The following SNX29 variants were observed in gnomAD, a reference collection of about 807,000 sequenced individuals.
The protein encoded by SNX29 is sorting nexin 29, also known as sorting nexin-29.
In SNX29, 78 loss-of-function variants were observed where a neutral mutation model predicts 102.1. That is an observed-to-expected ratio of 0.76 (90% confidence interval 0.64 to 0.92). The LOEUF is 0.92. Among genes scored for constraint, SNX29 ranks in the 40% least tolerant of loss-of-function variants. SNX29 has a pLI of 0.00. For missense variants in SNX29, 1,280 were observed against 1,061.7 expected, an observed-to-expected ratio of 1.21 and a Z score of -2.86; for synonymous variants, 580 against 414.5, an observed-to-expected ratio of 1.40 and a Z score of -4.85.
chr16:12,419,983 G>GC (rs2084807272), intron 18 of SNX29, among the ~76,000 whole-genome samples: 1 of 152,240 alleles, frequency 6.6e-6, no homozygotes, highest in African/African-American at 2.4e-5. Context: ...CTCAGGCTCG[G>GC]CTTAGGGCCA....
intron 14 of SNX29, among the ~76,000 whole-genome samples, chr16:12,258,530 C>T (rs1411941701): frequency 1.3e-5 from 2 of 152,110 alleles, no homozygotes; most frequent in African/African-American, 4.8e-5. Flanking sequence ...GGAAATTCTC[C>T]TTACTTATCT....
rs374451250 is a variant in SNX29, at chr16:12,314,022, C to T, written c.1782+35986C>T. Among the ~76,000 whole-genome samples the T allele has an allele frequency of 1.2e-4, 18 of 152,380 alleles. 1 individual carries two copies. The South Asian group carries it at 1.9e-3, about 16-fold the overall frequency. ...ATTTATAGAGTCAAGGTCTCACTCT[C>T]TTGCTCAGCCTGGAGCATAGTCGTG... On this transcript the variant is annotated intron_variant, in intron 15 of 20. Transcript: ENST00000566228.
chr16:11,989,439 T>A (rs2055758210), intron 1 of SNX29, among the ~76,000 whole-genome samples: 1 of 152,202 alleles, frequency 6.6e-6, no homozygotes, highest in Non-Finnish European at 1.5e-5. Context: ...CTGGGCCAGC[T>A]GTGCCACTTC....
chr16:12,533,795 T>C (rs2076995566), intron 20 of SNX29, among the ~76,000 whole-genome samples: 1 of 152,170 alleles, frequency 6.6e-6, no homozygotes, highest in African/African-American at 2.4e-5. Context: ...GTGCAGCTCA[T>C]AGGCCCCATC....
At chr16:12,417,208 T>C (rs908631172) in intron 18 of SNX29, among the ~76,000 whole-genome samples, 1 of 152,248 alleles carries the variant, frequency 6.6e-6, no homozygotes, top group Non-Finnish European at 1.5e-5. Context: ...TCCCTCAGGC[T>C]AGTCTGCAGT....
At chr16:12,147,103 G>A (rs886341581) in intron 13 of SNX29, among the ~76,000 whole-genome samples, 4 of 152,220 alleles carry the variant, frequency 2.6e-5, no homozygotes, top group African/African-American at 4.8e-5. Context: ...AAGCAGCAAG[G>A]TATATTTGCA....
intron 4 of SNX29, among the ~76,000 whole-genome samples, chr16:12,032,288 A>G (rs751453976): frequency 6.8e-6 from 1 of 146,724 alleles, no homozygotes; most frequent in Non-Finnish European, 1.5e-5. Flanking sequence ...GCTCACCACA[A>G]CCTCCGCCTC....
intron 1 of SNX29, among the ~76,000 whole-genome samples, chr16:11,987,403 CTTTTT>C (rs34572926): frequency 9.3e-6 from 1 of 107,288 alleles, no homozygotes; most frequent in Non-Finnish European, 2.0e-5. Flanking sequence ...GACTTTTACT[CTTTTT>C]TTTTTTTTTT....
chr16:12,466,672 G>A (rs953010667), intron 18 of SNX29, among the ~76,000 whole-genome samples: 1 of 152,182 alleles, frequency 6.6e-6, no homozygotes, highest in Non-Finnish European at 1.5e-5. Context: ...CAACAGCCAT[G>A]AACCAAAGCA....
chr16:11,976,760 G>GGCA lies in SNX29; in HGVS notation c.-44_-42dup. ...TCTGGAGCTCGGCAGCCGCAGAAGC[G>GGCA]GCAGCGGCGGCGGCGCGGCGCAGGC... On this transcript the variant is annotated 5_prime_UTR_variant, in exon 1 of 21. Transcript: ENST00000566228. The GGCA allele has an allele frequency of 7.8e-7, 1 of 1,284,164 alleles. No individual in the cohort carries two copies. The highest frequency in any genetic ancestry group is 9.9e-7 in the Non-Finnish European group (1 of 1,005,736). The allele number at this position is 1,284,164 out of a possible 1,614,324, so 79.5% of individuals were successfully genotyped here.
intron 14 of SNX29, among the ~76,000 whole-genome samples, chr16:12,207,400 G>A (rs141896387): frequency 6.6e-6 from 1 of 152,182 alleles, no homozygotes; most frequent in East Asian, 1.9e-4. Context: ...CAAAAACCAG[G>A]GAGGCTCAAT....
At chr16:12,141,390 A>C (rs1364548195) in intron 13 of SNX29, among the ~76,000 whole-genome samples, 1 of 152,228 alleles carries the variant, frequency 6.6e-6, no homozygotes, top group Non-Finnish European at 1.5e-5. Flanking sequence ...TTCAGATCCC[A>C]AGAGAGGGTT....
intron 4 of SNX29, among the ~76,000 whole-genome samples, chr16:12,039,194 G>C (rs1338946758): frequency 1.3e-5 from 2 of 152,264 alleles, no homozygotes; most frequent in Non-Finnish European, 2.9e-5. Context: ...CTGCTATGAA[G>C]GGAATTAATT....
At chr16:12,145,343 C>T (rs975807784) in intron 13 of SNX29, among the ~76,000 whole-genome samples, 3 of 152,026 alleles carry the variant, frequency 2.0e-5, no homozygotes, top group Non-Finnish European at 2.9e-5. Context: ...ATAGTTACAC[C>T]ACTGTTTGTT....
At chr16:11,979,669 C>T (rs1445358274) in intron 1 of SNX29, among the ~76,000 whole-genome samples, 2 of 152,158 alleles carry the variant, frequency 1.3e-5, no homozygotes, top group African/African-American at 2.4e-5. Context: ...CTGCAACCTT[C>T]GCCTCCTGGG....
At chr16:12,261,892 C>G (rs906913955) in intron 14 of SNX29, among the ~76,000 whole-genome samples, 1 of 143,888 alleles carries the variant, frequency 6.9e-6, no homozygotes, top group Non-Finnish European at 1.5e-5. Flanking sequence ...GAGCTCGGGT[C>G]TGTGCATGCG....
At chr16:12,494,194 G>A (rs1163509080) in intron 19 of SNX29, among the ~76,000 whole-genome samples, 3 of 152,056 alleles carry the variant, frequency 2.0e-5, no homozygotes, top group Non-Finnish European at 4.4e-5. Context: ...CAACAACAGC[G>A]AACTCTTGCT....
chr16:12,015,239 C>CT (rs956109363), intron 3 of SNX29, among the ~76,000 whole-genome samples: 39 of 151,056 alleles, frequency 2.6e-4, no homozygotes, highest in Middle Eastern at 3.4e-3. Context: ...AGTTATAGTT[C>CT]TTTTTTTTTA....
intron 3 of SNX29, among the ~76,000 whole-genome samples, chr16:12,009,479 G>GTGTA (rs142139296): frequency 0.26 from 38,185 of 149,628 alleles, 5,271 homozygotes; most frequent in Non-Finnish European, 0.32. Context: ...GTGTGTGTGT[G>GTGTA]TATATATATA....
Sources: allele counts gnomAD v4.1 joint callset (sites outside exome capture counted in the v4.1 genomes callset), GRCh38; gene constraint gnomAD v4.1.1; transcripts MANE v1.5; gene names NCBI Gene and HGNC (gene_info 2026-07-23, HGNC 2026-07-21).